Variants in ZNF728 observed in about 807,000 individuals in gnomAD.
ZNF728 encodes the protein zinc finger protein 728.
ZNF728 carries 12 observed loss-of-function variants against 12.5 expected under a neutral mutation model. The observed-to-expected ratio is 0.96, with a 90% CI of 0.61 to 1.55. ZNF728 has a LOEUF of 1.55. Ranked by LOEUF, ZNF728 falls within the 40% of genes most tolerant of loss-of-function variation. The probability of loss-of-function intolerance (pLI) is 0.00; values close to 1 mark genes in which losing one functional copy is unlikely to be tolerated. For synonymous variants in ZNF728, 205 were observed against 240.7 expected, an observed-to-expected ratio of 0.85 and a Z score of 1.37; for missense variants, 692 against 719.2, an observed-to-expected ratio of 0.96 and a Z score of 0.43.
At chr19:22,982,890 C>T (rs1255374227) in intron 3 of ZNF728, among the ~76,000 whole-genome samples, 1 of 152,092 alleles carries the variant, frequency 6.6e-6, no homozygotes, top group Non-Finnish European at 1.5e-5. Flanking sequence ...AAATGTAACA[C>T]CCCAAACCAT....
Position 22,975,776 on chromosome 19 carries a change from C to T in ZNF728, c.1561G>A (p.Ala521Thr). 6.3e-7 allele frequency: 1 copy of T among 1,580,812 alleles called. No homozygotes were observed. The highest frequency in any genetic ancestry group is 1.1e-5 in the South Asian group (1 of 89,760). The change falls in exon 4 of 4, where the codon GCA (alanine) becomes ACA (threonine). Residue 521 changes from alanine to threonine, a missense_variant. Around this residue, in one of 3 missense-constraint regions of ZNF728, gnomAD observed 244 missense variants for 235.2 expected, o/e 1.04. Transcript: ENST00000594710. ...ATTACCTTATGTTTAGTAAGGTTTG[C>T]AACCTTACTGAAGGCTTTGCCACAT... Reference protein sequence around the residue: ...EECGKAFSKVANLTKHKVIHT... With the variant: ...EECGKAFSKVTNLTKHKVIHT...
chr19:22,979,699 G>GCCAATATT (rs1427062510), intron 3 of ZNF728, among the ~76,000 whole-genome samples: 1 of 152,154 alleles, frequency 6.6e-6, no homozygotes, highest in Non-Finnish European at 1.5e-5. Flanking sequence ...GAGACTGGGA[G>GCCAATATT]CCAATATTCA....
At chr19:22,981,789 T>C (rs1038470235) in intron 3 of ZNF728, among the ~76,000 whole-genome samples, 1 of 152,136 alleles carries the variant, frequency 6.6e-6, no homozygotes, top group Admixed American at 6.5e-5. Flanking sequence ...CACATGATTA[T>C]CTCAATAGAT....
intron 3 of ZNF728, among the ~76,000 whole-genome samples, chr19:22,978,376 C>G (rs569248057): frequency 2.4e-4 from 36 of 151,536 alleles, no homozygotes; most frequent in African/African-American, 8.7e-4. Flanking sequence ...GAAAAAAAAC[C>G]TTTCAAAATA....
At chr19:22,992,321 C>T (rs1330111126) in intron 1 of ZNF728, among the ~76,000 whole-genome samples, 1 of 151,886 alleles carries the variant, frequency 6.6e-6, no homozygotes, top group Non-Finnish European at 1.5e-5. Context: ...CGGCTCACTG[C>T]AGCCTCCGCT....
intron 1 of ZNF728, chr19:22,995,541 G>A (rs1322699753): frequency 6.6e-6 from 1 of 152,092 alleles, no homozygotes; most frequent in Non-Finnish European, 1.5e-5. Flanking sequence ...GGGTTCAAGT[G>A]ATTCTCCTGT....
At chr19:22,990,243 G>A (rs1371550358) in intron 1 of ZNF728, among the ~76,000 whole-genome samples, 2 of 151,636 alleles carry the variant, frequency 1.3e-5, no homozygotes, top group African/African-American at 2.4e-5. Flanking sequence ...ATCTTGATCT[G>A]AGACACATTT....
intron 3 of ZNF728, among the ~76,000 whole-genome samples, chr19:22,979,148 C>A (rs548528724): frequency 6.6e-6 from 1 of 152,184 alleles, no homozygotes; most frequent in South Asian, 2.1e-4. Flanking sequence ...ACAGGAAGAA[C>A]CAGTTTAGAG....
At chr19:22,999,942 C>T (rs983255712) in intron 1 of ZNF728, among the ~76,000 whole-genome samples, 2 of 152,148 alleles carry the variant, frequency 1.3e-5, no homozygotes, top group Non-Finnish European at 2.9e-5. Context: ...CAATTATCTA[C>T]CACATTTTCT....
At chr19:22,990,981 G>A (rs760940851) in intron 1 of ZNF728, among the ~76,000 whole-genome samples, 18 of 152,080 alleles carry the variant, frequency 1.2e-4, no homozygotes, top group African/African-American at 4.1e-4. Flanking sequence ...AAACAAGTGC[G>A]CTGTCAGTAA....
intron 1 of ZNF728, among the ~76,000 whole-genome samples, chr19:22,998,149 C>G (rs1969068735): frequency 6.6e-6 from 1 of 151,870 alleles, no homozygotes; most frequent in Non-Finnish European, 1.5e-5. Context: ...CATGCACAAT[C>G]ACATTCATTG....
intron 3 of ZNF728, among the ~76,000 whole-genome samples, chr19:22,981,659 A>G (rs1724365164): frequency 6.6e-6 from 1 of 152,194 alleles, no homozygotes; most frequent in African/African-American, 2.4e-5. Flanking sequence ...ATCCAGCAGC[A>G]CATCAAAAAG....
chr19:22,986,875 T>A (rs1233512061), intron 3 of ZNF728, among the ~76,000 whole-genome samples: 1 of 152,102 alleles, frequency 6.6e-6, no homozygotes. Context: ...GGATGAAATG[T>A]ACAGAAAAAT....
Position 23,003,148 on chromosome 19 carries a change from C to G in ZNF728, c.-118G>C. 1 of 1,235,418 alleles carries G rather than the reference C, an allele frequency of 8.1e-7. No homozygotes were observed. Among genetic ancestry groups the G allele is most frequent in the Non-Finnish European group, 1.1e-6 (1 of 903,300 alleles). The allele number at this position is 1,235,418 out of a possible 1,614,324, so 76.5% of individuals were successfully genotyped here. A position where few individuals can be genotyped will look rare whatever the true frequency, so the allele number is the denominator to read the frequency against. Reference sequence around the variant, plus strand: ...CGACACACAGCAGTAAGGACGACACCTTGACCTCCGCGTGCAGCGAGAGCC... The same window carrying G: ...CGACACACAGCAGTAAGGACGACACGTTGACCTCCGCGTGCAGCGAGAGCC... On this transcript the variant is annotated 5_prime_UTR_variant, in exon 1 of 4. Coordinates refer to ENST00000594710, the MANE Select transcript of ZNF728 (RefSeq NM_001267716.2).
intron 1 of ZNF728, among the ~76,000 whole-genome samples, chr19:22,990,565 A>G (rs1968976265): frequency 6.6e-6 from 1 of 152,244 alleles, no homozygotes; most frequent in East Asian, 1.9e-4. Context: ...TTTCTGCCAC[A>G]GTAATGGAAA....
intron 3 of ZNF728, among the ~76,000 whole-genome samples, chr19:22,979,647 G>C (rs540261487): frequency 6.6e-6 from 1 of 152,268 alleles, no homozygotes; most frequent in South Asian, 2.1e-4. Context: ...AAGCCCATCA[G>C]ACTAAAAGTG....
intron 3 of ZNF728, among the ~76,000 whole-genome samples, chr19:22,977,808 T>C (rs1316478837): frequency 2.0e-5 from 3 of 152,192 alleles, no homozygotes; most frequent in African/African-American, 2.4e-5. Context: ...GACAAAGCTA[T>C]ATTATAAATT....
Position 22,976,688 on chromosome 19 carries a change from T to C in ZNF728, c.649A>G (p.Thr217Ala). The change falls in exon 4 of 4, where the codon ACT becomes GCT. Residue 217 changes from threonine to alanine, a missense_variant. This residue lies in a region of ZNF728 where 440 missense variants were observed against 459.6 expected (regional missense o/e 0.96). Transcript: ENST00000594710. ...TCTCCAGTATGAATTCTCTTATAAGTAAGGGCTGAGGACCAGTTAAAGGCT... is the reference window on the plus strand; with the variant it reads ...TCTCCAGTATGAATTCTCTTATAAGCAAGGGCTGAGGACCAGTTAAAGGCT... Reference protein sequence around the residue: ...GKAFNWSSALTYKRIHTGEKP... With the variant: ...GKAFNWSSALAYKRIHTGEKP... 6.2e-7 allele frequency: 1 copy of C among 1,613,194 alleles called. No homozygotes were observed. The highest frequency in any genetic ancestry group is 8.5e-7 in the Non-Finnish European group (1 of 1,179,808).
intron 3 of ZNF728, among the ~76,000 whole-genome samples, chr19:22,979,129 G>A (rs1166502004): frequency 6.6e-6 from 1 of 152,244 alleles, no homozygotes; most frequent in Non-Finnish European, 1.5e-5. Flanking sequence ...GAGGTTAGAC[G>A]AATTGCTAAC....
Sources: gnomAD v4.1 joint callset for allele counts (sites outside exome capture counted in the v4.1 genomes callset) on GRCh38, gnomAD v4.1.1 for gene constraint, gnomAD v4.1.1 regional missense constraint, MANE v1.5 for transcripts, NCBI Gene and HGNC (gene_info 2026-07-23, HGNC 2026-07-21) for gene names.